The following PARVB variants were observed in gnomAD, a reference collection of about 807,000 sequenced individuals.
The protein encoded by PARVB is beta-parvin.
Under a neutral mutation model 47.0 loss-of-function variants are expected in PARVB, and 46 were observed. That is an observed-to-expected ratio of 0.98 (90% CI 0.77 to 1.25). PARVB has a LOEUF of 1.25. Among genes scored for constraint, PARVB ranks in the 50% most tolerant of loss-of-function variants. The pLI is 0.00. For missense variants in PARVB, 473 were observed against 471.6 expected (o/e 1.00, Z -0.03); for synonymous variants, 196 against 196.3 (o/e 1.00, Z 0.01).
intron 4 of PARVB, among the ~76,000 whole-genome samples, chr22:44,120,402 C>T (rs563129715): frequency 7.0e-4 from 106 of 152,260 alleles, no homozygotes; most frequent in African/African-American, 2.3e-3. Context: ...TCTTTTATGA[C>T]GTTTTGGAAG....
intron 1 of PARVB, among the ~76,000 whole-genome samples, chr22:44,026,884 C>G (rs900060090): frequency 6.6e-6 from 1 of 151,966 alleles, no homozygotes; most frequent in Non-Finnish European, 1.5e-5. Context: ...CAGATTCAGG[C>G]AGGGGTGTGA....
intron 2 of PARVB, among the ~76,000 whole-genome samples, chr22:44,098,964 T>G (rs1219993448): frequency 1.3e-5 from 2 of 152,200 alleles, no homozygotes; most frequent in Admixed American, 1.3e-4. Context: ...CAGGAGCCAC[T>G]TACGCTCAGC....
chr22:44,147,960 G>T (rs1276045465), intron 9 of PARVB, 38 bp downstream of exon 9: 1 of 1,566,728 alleles, frequency 6.4e-7, no homozygotes, highest in Admixed American at 1.7e-5. Context: ...GCTCTCCCCT[G>T]GCTCGCGGCT....
chr22:44,051,991 A>G (rs552390267), intron 1 of PARVB, among the ~76,000 whole-genome samples: 1 of 152,218 alleles, frequency 6.6e-6, no homozygotes, highest in East Asian at 1.9e-4. Flanking sequence ...GCCAGGACGG[A>G]TCCTCGCCTG....
upstream of PARVB, among the ~76,000 whole-genome samples, chr22:44,021,817 A>G (rs1344199318): frequency 7.1e-6 from 1 of 140,566 alleles, no homozygotes; most frequent in East Asian, 2.1e-4. Flanking sequence ...ACACACACAC[A>G]GGGCCTAGTA....
At chr22:44,021,814 C>T (rs1443238331), upstream of PARVB, among the ~76,000 whole-genome samples, 1 of 138,454 alleles carries the variant, frequency 7.2e-6, no homozygotes, top group South Asian at 2.2e-4. Flanking sequence ...CACACACACA[C>T]ACAGGGCCTA....
rs769808875 is a variant in PARVB, at chr22:44,099,999, G to A, written c.203-54G>A. On this transcript the variant is annotated intron_variant, in intron 2 of 12. Transcript: ENST00000338758. The stretch of plus-strand genomic sequence containing the variant: ...TGAGTTGGCCTCCCCCTGGTTCCCC[G>A]TGTCCCTGCCACCCCCACAATCGCT... 76 of 1,455,700 alleles carry A rather than the reference G, an allele frequency of 5.2e-5. No individual in the cohort carries two copies. In the Middle Eastern group the frequency reaches 1.2e-3, roughly 23 times the overall value. The allele number at this position is 1,455,700 out of a possible 1,614,324, so 90.2% of individuals were successfully genotyped here. A position where few individuals can be genotyped will look rare whatever the true frequency, so the allele number is the denominator to read the frequency against.
chr22:44,151,798 T>C (rs2053816613), intron 10 of PARVB: 4 of 454,864 alleles, frequency 8.8e-6, no homozygotes, highest in Non-Finnish European at 1.6e-5. Flanking sequence ...CTCGAAGTGC[T>C]GGAGGCCTGA....
intron 1 of PARVB, among the ~76,000 whole-genome samples, chr22:44,084,419 C>T (rs1274947246): frequency 6.6e-6 from 1 of 152,218 alleles, no homozygotes; most frequent in East Asian, 1.9e-4. Flanking sequence ...TAACAGTCAC[C>T]TCCAGAAGGG....
At chr22:44,008,257 G>A (rs1160024372) in intron 2 of PARVB, among the ~76,000 whole-genome samples, 6 of 151,986 alleles carry the variant, frequency 3.9e-5, no homozygotes, top group East Asian at 1.9e-4. Context: ...GATTACAGGC[G>A]CGCATCACCA....
chr22:44,099,584 A>G (rs866283948), intron 2 of PARVB, among the ~76,000 whole-genome samples: 2 of 152,210 alleles, frequency 1.3e-5, no homozygotes, highest in African/African-American at 4.8e-5. Flanking sequence ...TTTACATACA[A>G]CATTGCATAT....
At position 44,092,048 on chromosome 22, in the gene PARVB, C is replaced by G. The variant is rs77260134; in HGVS notation, c.113-1880C>G. On this transcript the variant is annotated intron_variant, in intron 1 of 12. Coordinates refer to ENST00000338758, the MANE Select transcript of PARVB (RefSeq NM_013327.5). ...TGTTCATTGTTTGGTTACATTTAGC[C>G]CTTCCAAAGACCCTGGCATTTTTGC... is the stretch of plus-strand genomic sequence containing the variant. Among the ~76,000 whole-genome samples, 1,337 of 152,196 alleles carry G rather than the reference C, an allele frequency of 8.8e-3. 20 individuals carry two copies. Among genetic ancestry groups the G allele is most frequent in the Middle Eastern group, 0.071 (21 of 294 alleles).
chr22:44,017,659 G>A (rs1454507183), intron 2 of PARVB, among the ~76,000 whole-genome samples: 7 of 152,238 alleles, frequency 4.6e-5, no homozygotes, highest in African/African-American at 1.4e-4. Flanking sequence ...AACCACTGAC[G>A]AAAGCTTCAA....
chr22:44,076,496 C>T (rs979804683), intron 1 of PARVB, among the ~76,000 whole-genome samples: 11 of 152,236 alleles, frequency 7.2e-5, no homozygotes, highest in African/African-American at 2.4e-4. Flanking sequence ...TGGTAAGATA[C>T]AGAGCCCAGC....
At chr22:44,147,221 A>C (rs751855029) in intron 8 of PARVB, 16 of 187,438 alleles carry the variant, frequency 8.5e-5, no homozygotes, top group Middle Eastern at 2.6e-3. Flanking sequence ...ATTTTATCTG[A>C]GTGTCCCATG....
rs113398890 is a variant in PARVB, at chr22:44,168,958, G to C, written c.*280G>C. The stretch of plus-strand genomic sequence containing the variant: ...GTTTGAAGCCTCGCGTCACTCAGTC[G>C]CGTGGGATGATGAGTCCGTTGTTGT... On this transcript the variant is annotated 3_prime_UTR_variant, in exon 13 of 13. Coordinates refer to ENST00000338758, the MANE Select transcript of PARVB (RefSeq NM_013327.5). 2.7e-6 allele frequency: 1 copy of C among 369,080 alleles called. No individual in the cohort carries two copies. The highest frequency in any genetic ancestry group is 5.0e-6 in the Non-Finnish European group (1 of 198,690). The allele number at this position is 369,080 out of a possible 1,614,324, so 22.9% of individuals were successfully genotyped here. A position where few individuals can be genotyped will look rare whatever the true frequency, so the allele number is the denominator to read the frequency against.
chr22:44,024,493 C>T (rs1235760860), intron 1 of PARVB, 42 bp downstream of exon 1: 11 of 1,043,130 alleles, frequency 1.1e-5, no homozygotes, highest in African/African-American at 6.9e-5. Context: ...GGGACCTGCC[C>T]GGCGGTGCCC....
chr22:44,135,407 T>A (rs559227481), intron 6 of PARVB, among the ~76,000 whole-genome samples: 1 of 152,238 alleles, frequency 6.6e-6, no homozygotes, highest in South Asian at 2.1e-4. Context: ...TACAGGCACA[T>A]GCCACCACGC....
At chr22:44,004,631 T>C (rs1174031482) in intron 2 of PARVB, among the ~76,000 whole-genome samples, 1 of 152,248 alleles carries the variant, frequency 6.6e-6, no homozygotes, top group African/African-American at 2.4e-5. Flanking sequence ...GTTTCTTGCT[T>C]CTGTAACTTG....
Sources: gnomAD v4.1 joint callset for allele counts (sites outside exome capture counted in the v4.1 genomes callset) on GRCh38, gnomAD v4.1.1 for gene constraint, MANE v1.5 for transcripts, NCBI Gene and HGNC (gene_info 2026-07-23, HGNC 2026-07-21) for gene names.